Variants in MAMDC2 observed in about 807,000 individuals in gnomAD.
MAMDC2 encodes the protein MAM domain-containing protein 2.
Under a neutral mutation model 89.8 loss-of-function variants are expected in MAMDC2, and 57 were observed. That is an observed-to-expected ratio of 0.63 (90% CI 0.51 to 0.79). The LOEUF is 0.79. Ranked by LOEUF, MAMDC2 falls within the 30% of genes least tolerant of loss-of-function variation. The pLI, the probability that MAMDC2 is intolerant of heterozygous loss-of-function variation, is 0.00. For missense variants in MAMDC2, 800 were observed against 820.6 expected (o/e 0.97, Z 0.31); for synonymous variants, 313 against 293.4 (o/e 1.07, Z -0.68).
At position 70,168,730 on chromosome 9, in the gene MAMDC2, T is replaced by G. The variant is rs993332509; in HGVS notation, c.1433T>G (p.Phe478Cys). The change falls in exon 10 of 14, where the codon TTC (phenylalanine) becomes TGC (cysteine). Residue 478 changes from phenylalanine (F) to cysteine (C), a missense_variant. Phe to Cys is a radical substitution (Grantham distance 205, BLOSUM62 -2). Coordinates refer to ENST00000377182, the MANE Select transcript of MAMDC2 (RefSeq NM_153267.5). Reference protein sequence around the residue: ...KVVFMSLCKSFWDCGLVALDD... With the variant: ...KVVFMSLCKSCWDCGLVALDD... ...GTTTTCATGAGCCTATGCAAAAGTT[T>G]CTGGGACTGTGGGCTTGTAGCCCTG... 1.2e-6 allele frequency: 2 copies of G among 1,614,070 alleles called. No homozygotes were observed. The highest frequency in any genetic ancestry group is 2.7e-5 in the African/African-American group (2 of 75,048).
intron 2 of MAMDC2, among the ~76,000 whole-genome samples, chr9:70,084,986 C>T (rs972612466): frequency 2.0e-5 from 3 of 152,042 alleles, no homozygotes; most frequent in Admixed American, 2.0e-4. Context: ...AATTTTATTA[C>T]ATCTAACAGA....
At chr9:70,071,184 T>G (rs1827398783) in intron 2 of MAMDC2, among the ~76,000 whole-genome samples, 1 of 152,164 alleles carries the variant, frequency 6.6e-6, no homozygotes, top group African/African-American at 2.4e-5. Context: ...ACCATATGTT[T>G]TAAGTATCTA....
chr9:70,149,078 G>A (rs1476001604), intron 9 of MAMDC2, among the ~76,000 whole-genome samples: 3 of 148,224 alleles, frequency 2.0e-5, no homozygotes, highest in Non-Finnish European at 3.0e-5. Context: ...AGGCATGGTG[G>A]TGCAAGCCTA....
At chr9:70,222,143 G>C (rs1020673129) in intron 12 of MAMDC2, among the ~76,000 whole-genome samples, 1 of 152,092 alleles carries the variant, frequency 6.6e-6, no homozygotes, top group African/African-American at 2.4e-5. Context: ...GGAGTCTGAG[G>C]GAAAGGGAGA....
At chr9:70,214,380 T>C (rs1453679393) in intron 11 of MAMDC2, among the ~76,000 whole-genome samples, 1 of 152,154 alleles carries the variant, frequency 6.6e-6, no homozygotes, top group Non-Finnish European at 1.5e-5. Context: ...GGCAGCAGCA[T>C]ACCTGCCATA....
Position 70,143,602 on chromosome 9 carries a change from T to C in MAMDC2, c.1187T>C (p.Ile396Thr), listed in dbSNP as rs146510128. The C allele has an allele frequency of 2.8e-5, 45 of 1,614,074 alleles. No individual in the cohort carries two copies. The African/African-American group carries it at 4.3e-4, about 15-fold the overall frequency. ...NTKFTSQPGY[I>T]GRLYGPSLPG... ...AAGTTCACATCTCAGCCTGGCTACA[T>C]TGGAAGGCTCTATGGGCCCTCCCTA... Residue 396 changes from isoleucine to threonine, a missense_variant, in exon 9 of 14, where the codon ATT becomes ACT. Physicochemically the swap from Ile to Thr is moderately conservative, Grantham distance 89. Coordinates refer to ENST00000377182, the MANE Select transcript of MAMDC2 (RefSeq NM_153267.5).
At chr9:70,205,629 A>G (rs950317594) in intron 11 of MAMDC2, among the ~76,000 whole-genome samples, 1 of 152,170 alleles carries the variant, frequency 6.6e-6, no homozygotes, top group Non-Finnish European at 1.5e-5. Flanking sequence ...TTGCTGTGCA[A>G]AGAACAGAGG....
chr9:70,200,552 T>C (rs1001375779), intron 11 of MAMDC2, among the ~76,000 whole-genome samples: 1 of 151,640 alleles, frequency 6.6e-6, no homozygotes, highest in African/African-American at 2.4e-5. Context: ...TTTGGTTCCA[T>C]ACGAACTTTA....
chr9:70,084,672 G>A (rs1827728076), intron 2 of MAMDC2, among the ~76,000 whole-genome samples: 1 of 152,052 alleles, frequency 6.6e-6, no homozygotes, highest in South Asian at 2.1e-4. Context: ...TCAATTCAGT[G>A]AATAAGCCAT....
intron 2 of MAMDC2, among the ~76,000 whole-genome samples, chr9:70,103,871 A>G (rs1162111958): frequency 1.3e-5 from 2 of 152,076 alleles, no homozygotes; most frequent in Admixed American, 6.5e-5. Context: ...AGTCCCAGCT[A>G]ATCAGGAGAC....
chr9:70,085,950 T>C (rs1010418177), intron 2 of MAMDC2: 1 of 152,132 alleles, frequency 6.6e-6, no homozygotes, highest in Non-Finnish European at 1.5e-5. Flanking sequence ...TAGTTTATTA[T>C]CTTTCAACAT....
At chr9:70,078,943 A>C (rs1275113038) in intron 2 of MAMDC2, among the ~76,000 whole-genome samples, 3 of 151,986 alleles carry the variant, frequency 2.0e-5, no homozygotes, top group Non-Finnish European at 4.4e-5. Context: ...GGAAGTGGGG[A>C]TGTTGGATGG....
chr9:70,161,347 T>C (rs1269244909), intron 9 of MAMDC2, among the ~76,000 whole-genome samples: 1 of 152,216 alleles, frequency 6.6e-6, no homozygotes, highest in Non-Finnish European at 1.5e-5. Flanking sequence ...GGAAGCTGCT[T>C]GATCTCTGTC....
At position 70,095,364 on chromosome 9, in the gene MAMDC2, G is replaced by A. The variant is rs868106923; in HGVS notation, c.149-12847G>A. ...TGAAGCAGATAGACGTATCAGAAGG[G>A]CATTGGAATAATCCAGACAAAAGAT... On this transcript the variant is annotated intron_variant, in intron 2 of 13. Coordinates refer to ENST00000377182, the MANE Select transcript of MAMDC2 (RefSeq NM_153267.5). Among the ~76,000 whole-genome samples, 4 of 152,302 alleles carry A rather than the reference G, an allele frequency of 2.6e-5. 1 individual carries two copies. In the Middle Eastern group the frequency reaches 0.01, roughly 389 times the overall value.
At chr9:70,107,124 G>A (rs552252634) in intron 2 of MAMDC2, among the ~76,000 whole-genome samples, 83 of 152,206 alleles carry the variant, frequency 5.5e-4, no homozygotes, top group Non-Finnish European at 9.9e-4. Context: ...GAGAAAGCAT[G>A]AGAATCTGCA....
chr9:70,092,902 A>G (rs369151440), intron 2 of MAMDC2, among the ~76,000 whole-genome samples: 9 of 152,204 alleles, frequency 5.9e-5, no homozygotes, highest in Non-Finnish European at 1.2e-4. Flanking sequence ...CTATAATGCA[A>G]TGAAATGAAA....
chr9:70,051,344 T>G (rs577816962), intron 2 of MAMDC2, among the ~76,000 whole-genome samples: 1 of 152,320 alleles, frequency 6.6e-6, no homozygotes, highest in African/African-American at 2.4e-5. Flanking sequence ...TGATCCCTAA[T>G]AAGACACCTA....
At position 70,056,793 on chromosome 9, in the gene MAMDC2, G is replaced by A. The variant is rs138434328; in HGVS notation, c.148+12096G>A. On this transcript the variant is annotated intron_variant, in intron 2 of 13. Transcript: ENST00000377182. ...TATTTACAGCCACTCCCCATCACTT[G>A]CATTACCTCCTGAGCTCCACCTCCT... Among the ~76,000 whole-genome samples the A allele has an allele frequency of 9.2e-5, 14 of 152,218 alleles. No homozygotes were observed. The East Asian group carries it at 2.1e-3, about 23-fold the overall frequency.
At chr9:70,195,633 A>G (rs2032961795) in intron 11 of MAMDC2, among the ~76,000 whole-genome samples, 1 of 152,048 alleles carries the variant, frequency 6.6e-6, no homozygotes, top group East Asian at 1.9e-4. Flanking sequence ...CACCCATTTC[A>G]CTAGCATCAT....
Sources: allele counts gnomAD v4.1 joint callset (sites outside exome capture counted in the v4.1 genomes callset), GRCh38; gene constraint gnomAD v4.1.1; transcripts MANE v1.5; gene names NCBI Gene and HGNC (gene_info 2026-07-23, HGNC 2026-07-21).